SGTB: variants seen among roughly 807,000 people sequenced by gnomAD.
The protein encoded by SGTB is small glutamine-rich tetratricopeptide repeat-containing protein beta.
In SGTB, 19 loss-of-function variants were observed where a neutral mutation model predicts 43.9. That is an observed-to-expected ratio of 0.43 (90% confidence interval 0.30 to 0.63). SGTB has a LOEUF of 0.63. Ranked by LOEUF, SGTB falls within the 30% of genes least tolerant of loss-of-function variation. The pLI, the probability that SGTB is intolerant of heterozygous loss-of-function variation, is 0.12. For missense variants in SGTB, 304 were observed against 358.9 expected, an observed-to-expected ratio of 0.85 and a Z score of 1.24; for synonymous variants, 116 against 117.3, an observed-to-expected ratio of 0.99 and a Z score of 0.07.
At chr5:65,690,544 C>A (rs1005306849) in intron 5 of SGTB, among the ~76,000 whole-genome samples, 4 of 152,156 alleles carry the variant, frequency 2.6e-5, no homozygotes, top group Admixed American at 2.6e-4. Flanking sequence ...TAATCATACA[C>A]AGGTTGAAGT....
chr5:65,719,255 T>C (rs1408613243), intron 2 of SGTB, among the ~76,000 whole-genome samples: 1 of 152,158 alleles, frequency 6.6e-6, no homozygotes, highest in Non-Finnish European at 1.5e-5. Flanking sequence ...AACTATACTG[T>C]CATTTATTAA....
At position 65,713,042 on chromosome 5, in the gene SGTB, T is replaced by C. The variant is rs1758072365; in HGVS notation, c.123A>G (p.Thr41=). Residue 41 remains threonine (T), a synonymous_variant, in exon 3 of 11, where the codon ACA becomes ACG. Coordinates refer to ENST00000381007, the MANE Select transcript of SGTB (RefSeq NM_019072.3). ...SLEVAIQCLE[T]VFKISPEDTH... is the part of the protein sequence containing the mutation. ...TATCTTCTGGGCTGATCTTAAAAAC[T>C]GTCTCCAAGCACTGAATTGCAACTT... is the stretch of plus-strand genomic sequence containing the variant. 1.9e-6 allele frequency: 3 copies of C among 1,612,974 alleles called. No homozygotes were observed. Among genetic ancestry groups the C allele is most frequent in the African/African-American group, 2.7e-5 (2 of 74,890 alleles).
At chr5:65,685,290 GA>G in intron 6 of SGTB, 77 bp downstream of exon 6, 1 of 1,243,596 alleles carries the variant, frequency 8.0e-7, no homozygotes, top group South Asian at 1.3e-5. Flanking sequence ...CATTAAGCAG[GA>G]AATTCAAAAC....
chr5:65,692,057 A>G (rs932672492), intron 5 of SGTB, among the ~76,000 whole-genome samples: 3 of 152,142 alleles, frequency 2.0e-5, no homozygotes, highest in Non-Finnish European at 2.9e-5. Flanking sequence ...TGATTATAAC[A>G]TATTGAATAG....
chr5:65,688,373 T>G (rs1638585605), intron 5 of SGTB, among the ~76,000 whole-genome samples: 1 of 152,194 alleles, frequency 6.6e-6, no homozygotes, highest in Non-Finnish European at 1.5e-5. Flanking sequence ...ACGGTGATTT[T>G]GTAGAACAGC....
intron 9 of SGTB, 103 bp from the exon 10 acceptor site, chr5:65,672,101 G>T: frequency 6.4e-7 from 1 of 1,567,454 alleles, no homozygotes; most frequent in Non-Finnish European, 8.8e-7. Flanking sequence ...TATACCAGAG[G>T]CTAGGCCAAA....
chr5:65,722,617 G>A (rs1439331719), upstream of SGTB: 1 of 538,084 alleles, frequency 1.9e-6, no homozygotes, highest in Admixed American at 3.7e-5. Context: ...CCGCTCCCTC[G>A]GGAGGACGTC....
chr5:65,719,765 A>G (rs1430881208), intron 2 of SGTB, among the ~76,000 whole-genome samples: 1 of 152,212 alleles, frequency 6.6e-6, no homozygotes, highest in Non-Finnish European at 1.5e-5. Context: ...ACATGATGCT[A>G]TCACCCACAT....
Position 65,670,300 on chromosome 5 carries a change from C to T in SGTB, c.861G>A (p.Leu287=), listed in dbSNP as rs765277487. ...ATGATCTGCTCCGGATGTGATTTCT[C>T]AGTTGCTCTATAAGTTCAGGATTTT... ...QQQNPELIEQ[L]RNHIRSRSFS... The change falls in exon 11 of 11, where the codon CTG becomes CTA. Residue 287 remains leucine, a synonymous_variant. Transcript: ENST00000381007. 30 of 1,614,168 alleles carry T rather than the reference C, an allele frequency of 1.9e-5. No individual in the cohort carries two copies. Among genetic ancestry groups the T allele is most frequent in the Non-Finnish European group, 2.5e-5 (30 of 1,180,006 alleles).
At chr5:65,700,582 G>A (rs1312672549) in intron 5 of SGTB, among the ~76,000 whole-genome samples, 1 of 151,288 alleles carries the variant, frequency 6.6e-6, no homozygotes, top group Non-Finnish European at 1.5e-5. Flanking sequence ...TTGGGAGGCT[G>A]AGGCAGGAGA....
At position 65,720,767 on chromosome 5, in the gene SGTB, A is replaced by C. The variant is rs1758256091; in HGVS notation, c.41T>G (p.Phe14Cys). 6.2e-7 allele frequency: 1 copy of C among 1,613,914 alleles called. No homozygotes were observed. Among genetic ancestry groups the C allele is most frequent in the Non-Finnish European group, 8.5e-7 (1 of 1,179,976 alleles). ...GTCCATCTGACTTTGTTCCCGTAAG[A>C]AACGAATAACTGCATAAACCAGGTG... is the stretch of plus-strand genomic sequence containing the variant. ...IKHLVYAVIR[F>C]LREQSQMDTY... Residue 14 changes from phenylalanine (F) to cysteine (C), a missense_variant, in exon 2 of 11, where the codon TTC becomes TGC. Coordinates refer to ENST00000381007, the MANE Select transcript of SGTB (RefSeq NM_019072.3).
intron 2 of SGTB, among the ~76,000 whole-genome samples, chr5:65,714,138 C>T (rs1298946739): frequency 2.0e-5 from 3 of 152,196 alleles, no homozygotes; most frequent in African/African-American, 7.2e-5. Context: ...ACAGAATTCT[C>T]CATTAATTAA....
chr5:65,679,814 T>C (rs1212894724), intron 8 of SGTB, among the ~76,000 whole-genome samples: 2 of 152,224 alleles, frequency 1.3e-5, no homozygotes, highest in East Asian at 3.8e-4. Flanking sequence ...CATTACTGGG[T>C]ATATACCCGA....
chr5:65,713,703 T>C (rs1758091536), intron 2 of SGTB, among the ~76,000 whole-genome samples: 1 of 152,184 alleles, frequency 6.6e-6, no homozygotes, highest in Non-Finnish European at 1.5e-5. Flanking sequence ...ATATTCTTGT[T>C]GAAGGCTACC....
chr5:65,667,675 G>A lies in SGTB; in HGVS notation c.*2571C>T, dbSNP rs954402659. The A allele has an allele frequency of 6.6e-6, 1 of 152,158 alleles. No homozygotes were observed. Among genetic ancestry groups the A allele is most frequent in the Non-Finnish European group, 1.5e-5 (1 of 68,038 alleles). 9.4% of individuals were successfully genotyped at this position (152,158 alleles called of 1,614,324 possible). A position where few individuals can be genotyped will look rare whatever the true frequency, so the allele number is the denominator to read the frequency against. ...CAGGTGCTTAGGTGTTTGCAGGTCT[G>A]AGAAACCTCTAACCTAGTGTTCCTC... is the stretch of plus-strand genomic sequence containing the variant. On this transcript the variant is annotated 3_prime_UTR_variant, in exon 11 of 11. Transcript: ENST00000381007.
chr5:65,678,362 G>A (rs756743836), intron 8 of SGTB, among the ~76,000 whole-genome samples: 8 of 152,074 alleles, frequency 5.3e-5, no homozygotes, highest in Non-Finnish European at 8.8e-5. Context: ...AGAAACAAGT[G>A]GAAAAACACT....
chr5:65,718,549 A>G (rs1223558217), intron 2 of SGTB, among the ~76,000 whole-genome samples: 7 of 152,228 alleles, frequency 4.6e-5, no homozygotes, highest in African/African-American at 1.7e-4. Flanking sequence ...GTAGATGACA[A>G]TAATTAAGAG....
chr5:65,717,365 A>G (rs13152884), intron 2 of SGTB, among the ~76,000 whole-genome samples: 53,594 of 151,806 alleles, frequency 0.35, 9,675 homozygotes, highest in South Asian at 0.47. Flanking sequence ...GTAAGTTTAT[A>G]TGATGATGGA....
intron 8 of SGTB, among the ~76,000 whole-genome samples, chr5:65,676,938 C>A (rs531614905): frequency 9.7e-4 from 146 of 150,950 alleles, no homozygotes; most frequent in Non-Finnish European, 8.1e-4. Flanking sequence ...AGCAAACAAA[C>A]CCCGAAGCTA....
Sources: allele counts gnomAD v4.1 joint callset (sites outside exome capture counted in the v4.1 genomes callset), GRCh38; gene constraint gnomAD v4.1.1; transcripts MANE v1.5; gene names NCBI Gene and HGNC (gene_info 2026-07-23, HGNC 2026-07-21).